The following FOCAD variants were observed in gnomAD, a reference collection of about 807,000 sequenced individuals.
The protein encoded by FOCAD is focadhesin, also known as KIAA1797.
A neutral mutation model predicts 225.6 loss-of-function variants in FOCAD; 198 were observed. The observed-to-expected ratio is 0.88, with a 90% CI of 0.78 to 0.99. The LOEUF is 0.99. FOCAD is among the 50% of genes least tolerant of loss of function. The probability of loss-of-function intolerance (pLI) is 0.00; values close to 1 mark genes in which losing one functional copy is unlikely to be tolerated. For missense variants in FOCAD, 2,713 were observed against 2,123.6 expected (o/e 1.28, Z -5.46); for synonymous variants, 897 against 755.0 (o/e 1.19, Z -3.08).
intron 5 of FOCAD, among the ~76,000 whole-genome samples, chr9:20,757,769 G>A (rs1256769963): frequency 6.6e-6 from 1 of 152,130 alleles, no homozygotes; most frequent in East Asian, 1.9e-4. Context: ...CAAGGGGATG[G>A]ATATGAGAGA....
chr9:20,720,667 C>G (rs1825706074), intron 4 of FOCAD, 133 bp downstream of exon 4: 1 of 830,044 alleles, frequency 1.2e-6, no homozygotes, highest in Non-Finnish European at 1.9e-6. Context: ...TCATGAGTTG[C>G]TGTTTCATAT....
rs140545759 is a variant in FOCAD, at chr9:20,866,935, A to G, written c.2113A>G (p.Ile705Val). 284 of 848,122 alleles carry G rather than the reference A, an allele frequency of 3.3e-4. 1 individual carries two copies. In the African/African-American group the frequency reaches 4.4e-3, roughly 13 times the overall value. The allele number at this position is 848,122 out of a possible 1,614,324, so 52.5% of individuals were successfully genotyped here. A position where few individuals can be genotyped will look rare whatever the true frequency, so the allele number is the denominator to read the frequency against. Residue 705 changes from isoleucine (I) to valine (V), a missense_variant, in exon 18 of 44, where the codon ATT becomes GTT. Coordinates refer to ENST00000338382, the MANE Select transcript of FOCAD (RefSeq NM_001375567.1). ...LWTHTQNKDP[I>V]VANAAYRSLA... is the part of the protein sequence containing the mutation. ...TTTTTTTTACCCTATCTAGGACCCAATTGTAGCAAATGCTGCATATAGATC... is the reference window on the plus strand; with the variant it reads ...TTTTTTTTACCCTATCTAGGACCCAGTTGTAGCAAATGCTGCATATAGATC...
chr9:20,802,669 T>C (rs1462292240), intron 11 of FOCAD, among the ~76,000 whole-genome samples: 2 of 152,280 alleles, frequency 1.3e-5, no homozygotes, highest in East Asian at 1.9e-4. Context: ...GATGAAACAC[T>C]GTAGAGTCCA....
intron 30 of FOCAD, among the ~76,000 whole-genome samples, chr9:20,947,418 T>C (rs553315913): frequency 6.6e-6 from 1 of 152,284 alleles, no homozygotes. Flanking sequence ...ACTGTGTGCT[T>C]TTACTTACAT....
At chr9:20,767,073 T>A (rs1007969292) in intron 7 of FOCAD, among the ~76,000 whole-genome samples, 2 of 149,480 alleles carry the variant, frequency 1.3e-5, no homozygotes, top group Non-Finnish European at 3.0e-5. Flanking sequence ...GAATATGTGG[T>A]GTTTGGTTTT....
In FOCAD at chr9:20,672,813, A is replaced by G. The variant is rs554207039; in HGVS notation, c.-78+13987A>G. 5.9e-5 allele frequency among the ~76,000 whole-genome samples: 9 copies of G among 152,370 alleles called. No individual in the cohort carries two copies. In the South Asian group the frequency reaches 8.3e-4, roughly 14 times the overall value. ...AGGAAAAACTTATGTTACTTAAAATATTATTGTTTAGCTGGTTAAACAATC... is the reference window on the plus strand; with the variant it reads ...AGGAAAAACTTATGTTACTTAAAATGTTATTGTTTAGCTGGTTAAACAATC... On this transcript the variant is annotated intron_variant, in intron 2 of 45. Coordinates refer to the FOCAD transcript ENST00000380249.
intron 42 of FOCAD, among the ~76,000 whole-genome samples, chr9:20,992,124 T>C (rs1278339981): frequency 6.6e-6 from 1 of 152,190 alleles, no homozygotes; most frequent in Non-Finnish European, 1.5e-5. Context: ...AATGTATGTG[T>C]TTTTAGTGAA....
At position 20,923,512 on chromosome 9, in the gene FOCAD, C is replaced by T. The variant is rs117172532; in HGVS notation, c.2853-148C>T. 2,187 of 591,816 alleles carry T rather than the reference C, an allele frequency of 3.7e-3. 37 individuals carry two copies. The highest frequency in any genetic ancestry group is 0.025 in the South Asian group (1,104 of 43,768). 36.7% of individuals were successfully genotyped at this position (591,816 alleles called of 1,614,324 possible). ...CAGAAGGAAGGAAAGAAACTGTTGG[C>T]CTAACACAACAAACAGACCTGCATT... On this transcript the variant is annotated intron_variant, in intron 24 of 43. Coordinates refer to ENST00000338382, the MANE Select transcript of FOCAD (RefSeq NM_001375567.1).
intron 11 of FOCAD, among the ~76,000 whole-genome samples, chr9:20,802,372 A>T (rs1173557316): frequency 6.6e-6 from 1 of 152,132 alleles, no homozygotes; most frequent in Non-Finnish European, 1.5e-5. Flanking sequence ...GTAAGGACAA[A>T]GTGTCTTTAC....
rs372178551 is a variant in FOCAD, at chr9:20,907,182, A to G, written c.2658A>G (p.Ala886=). 2.8e-5 allele frequency: 45 copies of G among 1,613,212 alleles called. No homozygotes were observed. In the African/African-American group the frequency reaches 5.7e-4, roughly 21 times the overall value. The stretch of plus-strand genomic sequence containing the variant: ...TCCAGCTTTCAGAGTGGCACCGTGC[A>G]ATTTTTCTTCCACAGGCCTGGCTTG... ...VHIQLSEWHR[A]IFLPQAWLAY... Residue 886 remains alanine (A), a synonymous_variant, in exon 22 of 44, where the codon GCA becomes GCG. Transcript: ENST00000338382.
At position 20,718,374 on chromosome 9, in the gene FOCAD, G is replaced by C. The variant is rs1301876501; in HGVS notation, c.132+506G>C. On this transcript the variant is annotated intron_variant, in intron 3 of 43. Coordinates refer to ENST00000338382, the MANE Select transcript of FOCAD (RefSeq NM_001375567.1). ...AATGCTCAGAGTTGAAGCAATGCCA[G>C]CTTACTGAGATACACTTGGGGTTTG... Among the ~76,000 whole-genome samples the C allele has an allele frequency of 2.0e-5, 3 of 152,242 alleles. No individual in the cohort carries two copies. The East Asian group carries it at 5.8e-4, about 29-fold the overall frequency.
rs1381632747 is a variant in FOCAD at position 20,722,457 on chromosome 9, ACTTCC to A, written c.287+1925_287+1929del. On this transcript the variant is annotated intron_variant, in intron 4 of 43. Transcript: ENST00000338382. Reference sequence around the variant, plus strand: ...CAGATGTCCTCTTTCCTGTCCAGACACTTCCCACTTCTCTGCTGCGCTAATTGTTG... The same window carrying A: ...CAGATGTCCTCTTTCCTGTCCAGACACACTTCTCTGCTGCGCTAATTGTTG... 2.0e-5 allele frequency among the ~76,000 whole-genome samples: 3 copies of A among 152,182 alleles called. No individual in the cohort carries two copies. In the East Asian group the frequency reaches 5.8e-4, roughly 29 times the overall value.
At chr9:20,899,459 T>A (rs903137752) in intron 21 of FOCAD, among the ~76,000 whole-genome samples, 1 of 151,992 alleles carries the variant, frequency 6.6e-6, no homozygotes, top group Non-Finnish European at 1.5e-5. Flanking sequence ...TAGCTGCCTG[T>A]CTGTCTCTCC....
intron 28 of FOCAD, among the ~76,000 whole-genome samples, chr9:20,942,595 T>C (rs1242761026): frequency 6.6e-6 from 1 of 152,224 alleles, no homozygotes; most frequent in Non-Finnish European, 1.5e-5. Context: ...TGCTTTTTTC[T>C]TCTTCCTCTG....
At chr9:20,976,200 G>T in intron 35 of FOCAD, 1 of 253,410 alleles carries the variant, frequency 3.9e-6, no homozygotes, top group Non-Finnish European at 7.6e-6. Context: ...ATATATTATT[G>T]AAAAATTTAT....
intron 15 of FOCAD, among the ~76,000 whole-genome samples, chr9:20,837,541 AG>A (rs765373848): frequency 2.6e-5 from 4 of 151,724 alleles, no homozygotes; most frequent in African/African-American, 4.8e-5. Flanking sequence ...TATAATGGGT[AG>A]GGTTTTTTTT....
At chr9:20,685,417 A>T (rs1290225704) in intron 1 of FOCAD, among the ~76,000 whole-genome samples, 2 of 152,198 alleles carry the variant, frequency 1.3e-5, no homozygotes, top group Non-Finnish European at 2.9e-5. Context: ...TTAAAAACAC[A>T]GGATGCATTT....
intron 2 of FOCAD, chr9:20,658,973 A>C (rs533164979): frequency 1.3e-5 from 2 of 152,518 alleles, no homozygotes; most frequent in Non-Finnish European, 2.9e-5. Flanking sequence ...CACGCCTAGC[A>C]CTTTGGGAGG....
At chr9:20,703,971 A>G (rs1824180967) in intron 1 of FOCAD, among the ~76,000 whole-genome samples, 1 of 152,204 alleles carries the variant, frequency 6.6e-6, no homozygotes, top group South Asian at 2.1e-4. Context: ...GGCTCCCCAA[A>G]GCACCTCAGA....
Sources: allele counts gnomAD v4.1 joint callset (sites outside exome capture counted in the v4.1 genomes callset), GRCh38; gene constraint gnomAD v4.1.1; transcripts MANE v1.5; gene names NCBI Gene and HGNC (gene_info 2026-07-23, HGNC 2026-07-21).